Variants in FEZ1 observed in about 807,000 individuals in gnomAD.
FEZ1 encodes fasciculation and elongation protein zeta-1.
Under a neutral mutation model 49.3 loss-of-function variants are expected in FEZ1, and 20 were observed. That is an observed-to-expected ratio of 0.41 (90% CI 0.29 to 0.59). FEZ1 has a LOEUF of 0.59. Among genes scored for constraint, FEZ1 ranks in the 20% least tolerant of loss-of-function variants. The probability of loss-of-function intolerance (pLI) is 0.36; values close to 1 mark genes in which losing one functional copy is unlikely to be tolerated. For synonymous variants in FEZ1, 170 were observed against 180.9 expected, an observed-to-expected ratio of 0.94 and a Z score of 0.48; for missense variants, 413 against 476.0, an observed-to-expected ratio of 0.87 and a Z score of 1.23.
rs1312692212 is a variant in FEZ1 at position 125,495,742 on chromosome 11, C to T, written c.-46+379G>A. 1.7e-5 allele frequency: 4 copies of T among 237,714 alleles called. No homozygotes were observed. The highest frequency in any genetic ancestry group is 3.0e-5 in the Non-Finnish European group (4 of 131,182). 14.7% of individuals were successfully genotyped at this position (237,714 alleles called of 1,614,324 possible). On this transcript the variant is annotated intron_variant, in intron 1 of 9. Coordinates refer to ENST00000278919, the MANE Select transcript of FEZ1 (RefSeq NM_005103.5). This position sits in a 1 kb window ranked among gnomAD's most constrained non-coding sequence, Gnocchi z 4.2. ...GCGGCGTTCCCTTCTTCCCCCAGCC[C>T]CCATACCTCGCCGCCCTGCCTTCAC...
chr11:125,464,567 C>T (rs1451166266), intron 3 of FEZ1, among the ~76,000 whole-genome samples: 1 of 152,178 alleles, frequency 6.6e-6, no homozygotes, highest in African/African-American at 2.4e-5. Flanking sequence ...CCTTTTCTAA[C>T]AGGAAACAGC....
chr11:125,489,554 C>T lies in FEZ1; in HGVS notation c.224G>A (p.Arg75Gln), dbSNP rs368358264. ...GTTCTCGGTCTTGGCGTTGTAGTTC[C>T]GAAAGCAGACATTGAGCTTCTCATC... The part of the protein sequence containing the change: ...EFDEKLNVCF[R>Q]NYNAKTENLA... Residue 75 changes from arginine to glutamine, a missense_variant, in exon 2 of 10, where the codon CGG (arginine) becomes CAG (glutamine). Transcript: ENST00000278919. This position sits in a 1 kb window ranked among gnomAD's most constrained non-coding sequence, Gnocchi z 4.2. 3.8e-5 allele frequency: 61 copies of T among 1,613,986 alleles called. No individual in the cohort carries two copies. Among genetic ancestry groups the T allele is most frequent in the Non-Finnish European group, 4.7e-5 (55 of 1,180,032 alleles).
chr11:125,488,447 A>G (rs1489802282), intron 2 of FEZ1, among the ~76,000 whole-genome samples: 1 of 152,194 alleles, frequency 6.6e-6, no homozygotes, highest in Non-Finnish European at 1.5e-5. Context: ...TTGGGAGGCC[A>G]AGGCGGGCAA....
intron 3 of FEZ1, among the ~76,000 whole-genome samples, chr11:125,463,958 A>G (rs1280442909): frequency 6.6e-6 from 1 of 152,216 alleles, no homozygotes; most frequent in East Asian, 1.9e-4. Flanking sequence ...GATTTTGTTA[A>G]GGAGTTCCAA....
At chr11:125,484,652 G>A (rs1487523500) in intron 2 of FEZ1, among the ~76,000 whole-genome samples, 7 of 135,532 alleles carry the variant, frequency 5.2e-5, no homozygotes, top group Non-Finnish European at 9.3e-5. Flanking sequence ...TGGGCAACAA[G>A]AGTGAAACTC....
At chr11:125,462,906 G>A (rs775201761) in intron 4 of FEZ1, among the ~76,000 whole-genome samples, 2 of 150,482 alleles carry the variant, frequency 1.3e-5, no homozygotes, top group Non-Finnish European at 1.5e-5. Flanking sequence ...GGCCTGAGGC[G>A]GGAGGATCGC....
At chr11:125,479,157 T>A (rs1053280128) in intron 3 of FEZ1, among the ~76,000 whole-genome samples, 1 of 152,172 alleles carries the variant, frequency 6.6e-6, no homozygotes, top group African/African-American at 2.4e-5. Context: ...CTTGCTCCCG[T>A]CAATGAAGCC....
At chr11:125,456,310 C>T (rs558019463) in intron 5 of FEZ1, 7 of 454,690 alleles carry the variant, frequency 1.5e-5, no homozygotes, top group Admixed American at 3.9e-5. Flanking sequence ...GAAGAGAACA[C>T]CCCTCTCAGG....
chr11:125,481,698 G>C (rs1453294340), intron 2 of FEZ1, 65 bp from the exon 3 acceptor site: 1 of 1,124,970 alleles, frequency 8.9e-7, no homozygotes, highest in Non-Finnish European at 1.4e-6. Flanking sequence ...GAGGAAGGAA[G>C]AGCTGGGCCG....
intron 3 of FEZ1, among the ~76,000 whole-genome samples, chr11:125,472,338 T>C (rs1298450081): frequency 6.6e-6 from 1 of 151,896 alleles, no homozygotes; most frequent in Non-Finnish European, 1.5e-5. Context: ...ATAAAGGTGA[T>C]AATCCCACAG....
At chr11:125,448,301 C>T (rs576586173) in intron 9 of FEZ1, among the ~76,000 whole-genome samples, 84 of 152,274 alleles carry the variant, frequency 5.5e-4, no homozygotes, top group Non-Finnish European at 2.4e-4. Flanking sequence ...ACTGGTGACT[C>T]GGGGGTGATG....
chr11:125,467,327 A>T (rs1957140147), intron 3 of FEZ1, among the ~76,000 whole-genome samples: 2 of 152,216 alleles, frequency 1.3e-5, no homozygotes, highest in Admixed American at 6.5e-5. Context: ...GGTGTGAGCC[A>T]CTGTGCCTGG....
intron 3 of FEZ1, among the ~76,000 whole-genome samples, chr11:125,472,188 TA>T (rs2135764732): frequency 6.6e-6 from 1 of 151,690 alleles, no homozygotes; most frequent in South Asian, 2.1e-4. Flanking sequence ...CTTAAGAAGC[TA>T]AAAAAATGAG....
intron 3 of FEZ1, among the ~76,000 whole-genome samples, chr11:125,469,460 A>G (rs1246445867): frequency 6.6e-6 from 1 of 152,090 alleles, no homozygotes; most frequent in Non-Finnish European, 1.5e-5. Context: ...GGAACTTGCC[A>G]TGTTTCCTAG....
At chr11:125,464,198 A>G (rs1332833325) in intron 3 of FEZ1, among the ~76,000 whole-genome samples, 2 of 152,196 alleles carry the variant, frequency 1.3e-5, no homozygotes, top group Non-Finnish European at 2.9e-5. Flanking sequence ...AACCCCATTT[A>G]TCTCATTTGC....
intron 6 of FEZ1, 93 bp downstream of exon 6, chr11:125,455,742 C>A: frequency 7.6e-7 from 1 of 1,324,080 alleles, no homozygotes. Context: ...GCTCGGTAAA[C>A]GTTGATGAGT....
chr11:125,489,233 A>G lies in FEZ1; in HGVS notation c.311+234T>C, dbSNP rs1957357356. On this transcript the variant is annotated intron_variant, in intron 2 of 9. Transcript: ENST00000278919. The surrounding 1 kb of genome is among the most constrained non-coding windows in gnomAD (Gnocchi z 4.2). ...CTGTGCTCCTGAAATTCCATTTTGTATCTAGGAAAACCTTCATTCCTCTAA... is the reference window on the plus strand; with the variant it reads ...CTGTGCTCCTGAAATTCCATTTTGTGTCTAGGAAAACCTTCATTCCTCTAA... 1.7e-6 allele frequency: 2 copies of G among 1,174,410 alleles called. No homozygotes were observed. The highest frequency in any genetic ancestry group is 1.6e-5 in the African/African-American group (1 of 63,310). The allele number at this position is 1,174,410 out of a possible 1,614,324, so 72.7% of individuals were successfully genotyped here.
At chr11:125,474,461 C>T (rs1349070744) in intron 3 of FEZ1, among the ~76,000 whole-genome samples, 2 of 152,148 alleles carry the variant, frequency 1.3e-5, no homozygotes, top group Non-Finnish European at 2.9e-5. Flanking sequence ...AGCCACCACA[C>T]TCAGCCTTCA....
intron 4 of FEZ1, among the ~76,000 whole-genome samples, chr11:125,462,432 A>G (rs988714490): frequency 2.6e-5 from 4 of 152,200 alleles, no homozygotes; most frequent in African/African-American, 9.7e-5. Context: ...GTGTTCTATG[A>G]AATGTAAGAA....
Sources: gnomAD v4.1 joint callset for allele counts (sites outside exome capture counted in the v4.1 genomes callset) on GRCh38, gnomAD v4.1.1 for gene constraint, Gnocchi (gnomAD v3.1) non-coding constraint, MANE v1.5 for transcripts, NCBI Gene and HGNC (gene_info 2026-07-23, HGNC 2026-07-21) for gene names.